KALRN: variants seen among roughly 807,000 people sequenced by gnomAD.
KALRN encodes the protein kalirin.
KALRN carries 70 observed loss-of-function variants against 353.7 expected under a neutral mutation model. The observed-to-expected ratio is 0.20, with a 90% confidence interval of 0.16 to 0.24. KALRN has a LOEUF of 0.24. Among genes scored for constraint, KALRN ranks in the 10% least tolerant of loss-of-function variants. The pLI is 1.00. For missense variants in KALRN, 2,791 were observed against 3,756.7 expected (o/e 0.74, Z 6.72); for synonymous variants, 1,391 against 1,434.8 (o/e 0.97, Z 0.69).
intron 33 of KALRN, among the ~76,000 whole-genome samples, chr3:124,499,321 G>T (rs151172960): frequency 2.8e-4 from 43 of 152,306 alleles, no homozygotes; most frequent in African/African-American, 1.0e-3. Context: ...GTGTCACATT[G>T]CATAGGTTAC....
intron 5 of KALRN, among the ~76,000 whole-genome samples, chr3:124,280,479 GA>G (rs2075236575): frequency 6.6e-6 from 1 of 152,214 alleles, no homozygotes; most frequent in Non-Finnish European, 1.5e-5. Context: ...AAAGTTCTGT[GA>G]GTTCTTTCAG....
At chr3:124,131,513 C>G (rs1175721581) in intron 1 of KALRN, among the ~76,000 whole-genome samples, 1 of 152,204 alleles carries the variant, frequency 6.6e-6, no homozygotes, top group Non-Finnish European at 1.5e-5. Flanking sequence ...TGTACTTGAA[C>G]TTGATGAAAT....
chr3:124,678,816 TGGACACAGTAGGG>T (rs1042443833), intron 50 of KALRN, among the ~76,000 whole-genome samples: 1 of 152,194 alleles, frequency 6.6e-6, no homozygotes, highest in African/African-American at 2.4e-5. Context: ...TTTACTTGCA[TGGACACAGTAGGG>T]GGGCACATTG....
chr3:124,633,335 A>G lies in KALRN; in HGVS notation c.5467-517A>G, dbSNP rs376794632. ...GAAGCTGAGATTCTGTAACCAAAAGACAGTGGATATGTTTTGGTTGGGGAA... is the reference window on the plus strand; with the variant it reads ...GAAGCTGAGATTCTGTAACCAAAAGGCAGTGGATATGTTTTGGTTGGGGAA... On this transcript the variant is annotated intron_variant, in intron 35 of 59. Coordinates refer to ENST00000682506, the MANE Select transcript of KALRN (RefSeq NM_001388419.1). Among the ~76,000 whole-genome samples the G allele has an allele frequency of 7.2e-5, 11 of 152,316 alleles. No homozygotes were observed. In the East Asian group the frequency reaches 9.6e-4, roughly 13 times the overall value.
intron 57 of KALRN, among the ~76,000 whole-genome samples, chr3:124,706,467 T>C (rs142893125): frequency 6.6e-6 from 1 of 152,342 alleles, no homozygotes; most frequent in East Asian, 1.9e-4. Flanking sequence ...AGATACTGAT[T>C]GTGGAGCTTT....
chr3:124,551,857 C>G (rs1360805661), intron 33 of KALRN, among the ~76,000 whole-genome samples: 2 of 152,156 alleles, frequency 1.3e-5, no homozygotes, highest in Admixed American at 1.3e-4. Flanking sequence ...TGCCCCATGC[C>G]CAGCACAGCA....
chr3:124,668,900 T>A (rs76326417), intron 47 of KALRN, among the ~76,000 whole-genome samples: 2,088 of 152,332 alleles, frequency 0.014, 58 homozygotes, highest in African/African-American at 0.047. Context: ...GAGTTTCTGA[T>A]AGATTCTAAG....
rs571813964 is a variant in KALRN at position 124,611,594 on chromosome 3, G to A, written c.5183-20826G>A. On this transcript the variant is annotated intron_variant, in intron 34 of 59. Coordinates refer to ENST00000682506, the MANE Select transcript of KALRN (RefSeq NM_001388419.1). ...TTTATCTGGCTATATAACATAGAGT[G>A]GTCAGAAATTAAAGATTGTCAATGA... 5.5e-4 allele frequency among the ~76,000 whole-genome samples: 84 copies of A among 152,276 alleles called. No individual in the cohort carries two copies. The Middle Eastern group carries it at 0.014, about 25-fold the overall frequency.
intron 1 of KALRN, among the ~76,000 whole-genome samples, chr3:124,165,173 C>T (rs2070631931): frequency 6.6e-6 from 1 of 152,204 alleles, no homozygotes; most frequent in Admixed American, 6.5e-5. Flanking sequence ...ACTGCTTGAA[C>T]ATATTATACT....
At chr3:124,553,492 G>A (rs2070801817) in intron 33 of KALRN, among the ~76,000 whole-genome samples, 1 of 152,238 alleles carries the variant, frequency 6.6e-6, no homozygotes, top group South Asian at 2.1e-4. Flanking sequence ...GTTTTCCAGT[G>A]TTGCACAGTC....
intron 34 of KALRN, among the ~76,000 whole-genome samples, chr3:124,570,610 A>G (rs567755471): frequency 1.3e-5 from 2 of 152,334 alleles, no homozygotes; most frequent in Admixed American, 6.5e-5. Flanking sequence ...ACCCAAAAAT[A>G]ATGCATTTGA....
intron 1 of KALRN, among the ~76,000 whole-genome samples, chr3:124,222,199 G>T (rs1209873906): frequency 6.6e-6 from 1 of 152,082 alleles, no homozygotes; most frequent in African/African-American, 2.4e-5. Flanking sequence ...ATGAAGGAAT[G>T]GTTTAAGCTA....
intron 7 of KALRN, among the ~76,000 whole-genome samples, chr3:124,328,304 C>CT (rs1402163080): frequency 3.3e-5 from 5 of 152,146 alleles, no homozygotes; most frequent in African/African-American, 9.7e-5. Context: ...TGTCTTCAAC[C>CT]TTATCACTTA....
chr3:124,384,012 T>TATGTCC, intron 10 of KALRN, among the ~76,000 whole-genome samples: 1 of 152,170 alleles, frequency 6.6e-6, no homozygotes, highest in South Asian at 2.1e-4. Context: ...TCAGGAGACT[T>TATGTCC]TCAAAATGAG....
chr3:124,706,812 C>T (rs143127471), intron 57 of KALRN, among the ~76,000 whole-genome samples: 1,546 of 151,820 alleles, frequency 0.01, 21 homozygotes, highest in African/African-American at 0.034. Flanking sequence ...TCAGGTGATC[C>T]GCCTGCCTCA....
intron 1 of KALRN, among the ~76,000 whole-genome samples, chr3:124,053,916 A>G (rs551511291): frequency 1.4e-3 from 209 of 152,334 alleles, no homozygotes; most frequent in Non-Finnish European, 2.6e-3. Context: ...CTTGTGTCAA[A>G]TTAATTTTTT....
chr3:124,181,811 G>A (rs1044792574), intron 1 of KALRN, among the ~76,000 whole-genome samples: 1 of 152,212 alleles, frequency 6.6e-6, no homozygotes. Context: ...CAGGAGCACA[G>A]CATCTCTTCT....
rs546418532 is a variant in KALRN at position 124,209,930 on chromosome 3, A to G, written c.74-18060A>G. Among the ~76,000 whole-genome samples, 5 of 152,198 alleles carry G rather than the reference A, an allele frequency of 3.3e-5. No homozygotes were observed. The South Asian group carries it at 1.0e-3, about 31-fold the overall frequency. On this transcript the variant is annotated intron_variant, in intron 1 of 59. Coordinates refer to ENST00000682506, the MANE Select transcript of KALRN (RefSeq NM_001388419.1). ...TCCTTTAATATGTTCTGACAGTTTTAATGTTTCAGTCTTACCACCATGAAA... is the reference window on the plus strand; with the variant it reads ...TCCTTTAATATGTTCTGACAGTTTTGATGTTTCAGTCTTACCACCATGAAA...
intron 54 of KALRN, among the ~76,000 whole-genome samples, chr3:124,696,694 T>C (rs2062069786): frequency 6.6e-6 from 1 of 152,122 alleles, no homozygotes; most frequent in African/African-American, 2.4e-5. Flanking sequence ...CTGAACCATC[T>C]TAAATGTACA....
Sources: allele counts gnomAD v4.1 joint callset (sites outside exome capture counted in the v4.1 genomes callset), GRCh38; gene constraint gnomAD v4.1.1; transcripts MANE v1.5; gene names NCBI Gene and HGNC (gene_info 2026-07-23, HGNC 2026-07-21).